The following PRKAG2 variants were observed in gnomAD, a reference collection of about 807,000 sequenced individuals.
The protein encoded by PRKAG2 is 5'-AMP-activated protein kinase subunit gamma-2.
In PRKAG2, 26 loss-of-function variants were observed where a neutral mutation model predicts 69.6. The ratio of observed to expected loss-of-function variants is 0.37; its 90% CI spans 0.27 to 0.52. PRKAG2 has a LOEUF of 0.52. Ranked by LOEUF, PRKAG2 falls within the 20% of genes least tolerant of loss-of-function variation. The probability of loss-of-function intolerance (pLI) is 0.90; values close to 1 mark genes in which losing one functional copy is unlikely to be tolerated. For synonymous variants in PRKAG2, 293 were observed against 285.0 expected (o/e 1.03, Z -0.28); for missense variants, 557 against 740.0 (o/e 0.75, Z 2.87).
intron 4 of PRKAG2, among the ~76,000 whole-genome samples, chr7:151,641,407 C>T (rs1826677488): frequency 6.6e-6 from 1 of 151,998 alleles, no homozygotes; most frequent in African/African-American, 2.4e-5. Context: ...ACCACCACAC[C>T]CAGCAAATTT....
intron 4 of PRKAG2, among the ~76,000 whole-genome samples, chr7:151,666,285 T>C (rs1461675613): frequency 6.6e-6 from 1 of 152,200 alleles, no homozygotes; most frequent in African/African-American, 2.4e-5. Context: ...AGTGAGGCCA[T>C]AGGGTAGGCC....
At chr7:151,869,439 C>G (rs571475138) in intron 1 of PRKAG2, among the ~76,000 whole-genome samples, 2 of 152,208 alleles carry the variant, frequency 1.3e-5, no homozygotes, top group African/African-American at 2.4e-5. Flanking sequence ...CTGTCATCTA[C>G]CATGTAATGA....
At chr7:151,603,109 A>C (rs6960963) in intron 5 of PRKAG2, among the ~76,000 whole-genome samples, 2 of 138,778 alleles carry the variant, frequency 1.4e-5, no homozygotes, top group Admixed American at 1.4e-4. Flanking sequence ...CATACTCACC[A>C]CACACGGAGG....
chr7:151,598,076 G>A (rs181009295), intron 5 of PRKAG2, among the ~76,000 whole-genome samples: 32 of 152,266 alleles, frequency 2.1e-4, no homozygotes, highest in African/African-American at 7.0e-4. Context: ...GCCAAAAGAT[G>A]AATGGATAAA....
At chr7:151,861,469 A>C (rs2151906387) in intron 1 of PRKAG2, among the ~76,000 whole-genome samples, 1 of 144,642 alleles carries the variant, frequency 6.9e-6, no homozygotes, top group East Asian at 2.1e-4. Context: ...CTGAGGTTGC[A>C]GTGAGCCAAG....
At chr7:151,861,881 C>T (rs1007159873) in intron 1 of PRKAG2, among the ~76,000 whole-genome samples, 57 of 152,038 alleles carry the variant, frequency 3.7e-4, no homozygotes, top group African/African-American at 1.3e-3. Context: ...GGCACCCAAA[C>T]TCATGCTCCC....
chr7:151,773,057 G>A (rs1425491354), intron 3 of PRKAG2, among the ~76,000 whole-genome samples: 5 of 46,472 alleles, frequency 1.1e-4, no homozygotes, highest in Non-Finnish European at 2.1e-4. Flanking sequence ...GAGAGAGGGA[G>A]GGAGGGAGGG....
intron 5 of PRKAG2, among the ~76,000 whole-genome samples, chr7:151,625,700 T>C (rs908211913): frequency 6.6e-6 from 1 of 152,120 alleles, no homozygotes; most frequent in African/African-American, 2.4e-5. Context: ...CAAGCAGCTT[T>C]CCTGTTAAAA....
At chr7:151,852,564 A>T (rs780746929) in intron 1 of PRKAG2, among the ~76,000 whole-genome samples, 1 of 152,004 alleles carries the variant, frequency 6.6e-6, no homozygotes, top group Non-Finnish European at 1.5e-5. Flanking sequence ...CTCAGTGTAG[A>T]CCACAGACCT....
intron 1 of PRKAG2, among the ~76,000 whole-genome samples, chr7:151,806,180 C>T (rs1399144169): frequency 6.6e-6 from 1 of 152,236 alleles, no homozygotes; most frequent in Non-Finnish European, 1.5e-5. Flanking sequence ...CAGAGCGAGA[C>T]TCCGTCTCAA....
Position 151,836,405 on chromosome 7 carries a change from C to A in PRKAG2, c.114+40102G>T, listed in dbSNP as rs1218139877. 6.6e-6 allele frequency among the ~76,000 whole-genome samples: 1 copy of A among 152,176 alleles called. No individual in the cohort carries two copies. Among genetic ancestry groups the A allele is most frequent in the Non-Finnish European group, 1.5e-5 (1 of 68,030 alleles). On this transcript the variant is annotated intron_variant, in intron 1 of 15. Transcript: ENST00000287878. This position sits in a 1 kb window ranked among gnomAD's most constrained non-coding sequence, Gnocchi z 4.1. ...CCAGGCCAGCTGGTCCAGGCAGCTTCCCTGATCACCGCAGTGACGCTCCTG... is the reference window on the plus strand; with the variant it reads ...CCAGGCCAGCTGGTCCAGGCAGCTTACCTGATCACCGCAGTGACGCTCCTG...
intron 1 of PRKAG2, among the ~76,000 whole-genome samples, chr7:151,857,916 A>G (rs1480365856): frequency 2.0e-5 from 3 of 152,208 alleles, no homozygotes; most frequent in African/African-American, 7.2e-5. Context: ...GAGACAAAGA[A>G]TTGCGGGTTT....
At position 151,557,045 on chromosome 7, in the gene PRKAG2, T is replaced by C. The variant is rs28763997; in HGVS notation, c.*156A>G. 168 of 1,278,106 alleles carry C rather than the reference T, an allele frequency of 1.3e-4. No individual in the cohort carries two copies. In the African/African-American group the frequency reaches 2.2e-3, roughly 16 times the overall value. 79.2% of individuals were successfully genotyped at this position (1,278,106 alleles called of 1,614,324 possible). ...TGAATCTTCAAGCACATAAAATCTT[T>C]CTTTTTTAAGCTTAATTTCAACATC... On this transcript the variant is annotated 3_prime_UTR_variant, in exon 16 of 16. Coordinates refer to ENST00000287878, the MANE Select transcript of PRKAG2 (RefSeq NM_016203.4).
chr7:151,751,933 C>T (rs1049875818), intron 3 of PRKAG2, among the ~76,000 whole-genome samples: 69 of 152,284 alleles, frequency 4.5e-4, no homozygotes, highest in Admixed American at 5.2e-4. Context: ...CTAAAAGTGA[C>T]AAGGGCTCTT....
rs397517266 is a variant in PRKAG2, at chr7:151,786,490, C to T, written c.166G>A (p.Gly56Arg). 5.5e-5 allele frequency: 89 copies of T among 1,612,512 alleles called. No individual in the cohort carries two copies. The highest frequency in any genetic ancestry group is 4.1e-4 in the South Asian group (37 of 90,434). The change falls in exon 2 of 16, where the codon GGA (glycine) becomes AGA (arginine). Residue 56 changes from glycine (G) to arginine (R), a missense_variant. Transcript: ENST00000287878. ...PLLDGDLEGS[G>R]KHSSRKVDSP... Reference sequence around the variant, plus strand: ...CTTACCTTTCGAGAGGAATGCTTTCCGGAACCCTCCAGGTCTCCGTCCAGG... The same window carrying T: ...CTTACCTTTCGAGAGGAATGCTTTCTGGAACCCTCCAGGTCTCCGTCCAGG...
intron 1 of PRKAG2, among the ~76,000 whole-genome samples, chr7:151,812,062 TAATC>T (rs10591919): frequency 0.1 from 15,229 of 152,026 alleles, 1,581 homozygotes; most frequent in East Asian, 0.49. Context: ...AGATGCCTAA[TAATC>T]AATCAATCAA....
At chr7:151,829,797 G>T (rs2078983058) in intron 1 of PRKAG2, among the ~76,000 whole-genome samples, 1 of 151,940 alleles carries the variant, frequency 6.6e-6, no homozygotes, top group Admixed American at 6.6e-5. Context: ...TTCCTTCCGG[G>T]GACCCTGCAG....
chr7:151,675,266 C>T (rs1392643608), intron 4 of PRKAG2, 154 bp downstream of exon 4: 1 of 820,428 alleles, frequency 1.2e-6, no homozygotes, highest in Non-Finnish European at 2.0e-6. Flanking sequence ...ACCATTTCTC[C>T]CTCAGCCTGT....
chr7:151,682,415 T>G (rs967316600), intron 3 of PRKAG2, among the ~76,000 whole-genome samples: 31 of 152,008 alleles, frequency 2.0e-4, no homozygotes, highest in Non-Finnish European at 4.4e-4. Context: ...AATTTTTTTA[T>G]TTTTGTAGAG....
Sources: gnomAD v4.1 joint callset for allele counts (sites outside exome capture counted in the v4.1 genomes callset) on GRCh38, gnomAD v4.1.1 for gene constraint, Gnocchi (gnomAD v3.1) non-coding constraint, MANE v1.5 for transcripts, NCBI Gene and HGNC (gene_info 2026-07-23, HGNC 2026-07-21) for gene names.